PARP6: variants seen among roughly 807,000 people sequenced by gnomAD.
The protein encoded by PARP6 is protein mono-ADP-ribosyltransferase PARP6.
In PARP6, 27 loss-of-function variants were observed where a neutral mutation model predicts 92.0. That is an observed-to-expected ratio of 0.29 (90% CI 0.22 to 0.40). The LOEUF is 0.40. Ranked by LOEUF, PARP6 falls within the 10% of genes least tolerant of loss-of-function variation. The pLI is 1.00. For missense variants in PARP6, 501 were observed against 784.5 expected (o/e 0.64, Z 4.32); for synonymous variants, 272 against 281.2 (o/e 0.97, Z 0.33).
chr15:72,250,516 T>C, intron 18 of PARP6: 1 of 334,786 alleles, frequency 3.0e-6, no homozygotes, highest in Non-Finnish European at 5.5e-6. Flanking sequence ...TACCTCTCTT[T>C]CTCTTTCCCT....
Position 72,271,173 on chromosome 15 carries a change from G to A in PARP6, c.-345C>T, listed in dbSNP as rs2087379587. On this transcript the variant is annotated 5_prime_UTR_variant, in exon 2 of 24. Transcript: ENST00000569795. ...AGCCTGGGTTGCCCTGGGGTGAGGGGTAGGATGACGGCAGCGTTAGGCCAG... is the reference window on the plus strand; with the variant it reads ...AGCCTGGGTTGCCCTGGGGTGAGGGATAGGATGACGGCAGCGTTAGGCCAG... 1 of 152,182 alleles carries A rather than the reference G, an allele frequency of 6.6e-6. No individual in the cohort carries two copies. Among genetic ancestry groups the A allele is most frequent in the African/African-American group, 2.4e-5 (1 of 41,448 alleles). The allele number at this position is 152,182 out of a possible 1,614,324, so 9.4% of individuals were successfully genotyped here.
At chr15:72,256,898 G>C (rs1396213985) in intron 13 of PARP6, among the ~76,000 whole-genome samples, 1 of 151,916 alleles carries the variant, frequency 6.6e-6, no homozygotes, top group Admixed American at 6.6e-5. Flanking sequence ...TTTTTAAAGA[G>C]ACAGGGGCTC....
Position 72,250,780 on chromosome 15 carries a change from G to C in PARP6, c.1418+65C>G, listed in dbSNP as rs1426164780. ...CATGTAACACAAACTCATATCTCAA[G>C]GGCATCCTTCTTGCTCATCCCCGCC... On this transcript the variant is annotated intron_variant, in intron 18 of 23. Transcript: ENST00000569795. The C allele has an allele frequency of 8.5e-6, 7 of 820,426 alleles. No homozygotes were observed. The East Asian group carries it at 1.9e-4, about 22-fold the overall frequency. The allele number at this position is 820,426 out of a possible 1,614,324, so 50.8% of individuals were successfully genotyped here. A position where few individuals can be genotyped will look rare whatever the true frequency, so the allele number is the denominator to read the frequency against.
chr15:72,272,506 G>C lies in PARP6; in HGVS notation c.-573C>G, dbSNP rs1226931420. Reference sequence around the variant, plus strand: ...GGCCAGCCTGGCGAGTACTCACGGCGACCCCGGGCCGCGCGCGGCCGCAGC... The same window carrying C: ...GGCCAGCCTGGCGAGTACTCACGGCCACCCCGGGCCGCGCGCGGCCGCAGC... On this transcript the variant is annotated 5_prime_UTR_variant, in exon 1 of 24. Coordinates refer to ENST00000569795, the MANE Select transcript of PARP6 (RefSeq NM_001323532.2). The C allele has an allele frequency of 6.6e-6, 1 of 150,996 alleles. No homozygotes were observed. Among genetic ancestry groups the C allele is most frequent in the Non-Finnish European group, 1.5e-5 (1 of 67,626 alleles). 9.4% of individuals were successfully genotyped at this position (150,996 alleles called of 1,614,324 possible). A position where few individuals can be genotyped will look rare whatever the true frequency, so the allele number is the denominator to read the frequency against.
intron 16 of PARP6, among the ~76,000 whole-genome samples, chr15:72,252,403 G>A (rs1044705459): frequency 3.3e-5 from 5 of 152,218 alleles, no homozygotes; most frequent in South Asian, 2.1e-4. Context: ...ATACATACGC[G>A]AGATAATGCA....
intron 10 of PARP6, 137 bp from the exon 11 acceptor site, chr15:72,259,798 C>T (rs1410374592): frequency 1.4e-6 from 1 of 732,018 alleles, no homozygotes; most frequent in Non-Finnish European, 2.3e-6. Context: ...AGAAAGGAGA[C>T]TTTTAGACAT....
intron 1 of PARP6, among the ~76,000 whole-genome samples, 194 bp from the exon 2 acceptor site, chr15:72,271,481 G>C (rs1012216692): frequency 6.6e-6 from 1 of 152,136 alleles, no homozygotes; most frequent in African/African-American, 2.4e-5. Context: ...GAAGGTGGTG[G>C]GTTATGGAAT....
At chr15:72,264,744 C>T (rs1026719462) in intron 7 of PARP6, 123 bp from the exon 8 acceptor site, 22 of 718,096 alleles carry the variant, frequency 3.1e-5, no homozygotes, top group Middle Eastern at 2.5e-4. Context: ...TAAACAGTAA[C>T]GGTGGAAGAA....
Position 72,242,484 on chromosome 15 carries a change from T to G in PARP6, c.1641+136A>C. 1 of 706,988 alleles carries G rather than the reference T, an allele frequency of 1.4e-6. No individual in the cohort carries two copies. The highest frequency in any genetic ancestry group is 2.5e-6 in the Non-Finnish European group (1 of 395,244). The allele number at this position is 706,988 out of a possible 1,614,324, so 43.8% of individuals were successfully genotyped here. A position where few individuals can be genotyped will look rare whatever the true frequency, so the allele number is the denominator to read the frequency against. On this transcript the variant is annotated intron_variant, in intron 21 of 23. Transcript: ENST00000569795. The surrounding 1 kb of genome is among the most constrained non-coding windows in gnomAD (Gnocchi z 4.3). ...ATATGACTCCAGACGTGTGTTCACT[T>G]TAGAACATACCTGACTCCTTTAAAT...
chr15:72,257,492 G>A (rs1263359180), intron 12 of PARP6, 52 bp from the exon 13 acceptor site: 1 of 1,443,312 alleles, frequency 6.9e-7, no homozygotes, highest in Admixed American at 1.7e-5. Context: ...GCAATAAGGT[G>A]TAGGCAGAGA....
At position 72,256,590 on chromosome 15, in the gene PARP6, C is replaced by T; in HGVS notation, c.1000G>A (p.Val334Met). Residue 334 changes from valine (V) to methionine (M), a missense_variant and splice_region_variant, in exon 14 of 24, where the codon GTG (valine) becomes ATG (methionine). This residue lies in a region of PARP6 where 191 missense variants were observed against 399.1 expected (regional missense o/e 0.48). Coordinates refer to ENST00000569795, the MANE Select transcript of PARP6 (RefSeq NM_001323532.2). ...CACATGGCCACCAGCAGATCCACCACCTTAGGGGAAAGGAAAAAAAACAGG... is the reference window on the plus strand; with the variant it reads ...CACATGGCCACCAGCAGATCCACCATCTTAGGGGAAAGGAAAAAAAACAGG... Reference protein sequence around the residue: ...AAEEVATGAEVVDLLVAMCRA... With the variant: ...AAEEVATGAEMVDLLVAMCRA... 2 of 1,537,248 alleles carry T rather than the reference C, an allele frequency of 1.3e-6. No individual in the cohort carries two copies. Among genetic ancestry groups the T allele is most frequent in the South Asian group, 1.3e-5 (1 of 79,358 alleles).
chr15:72,255,315 C>T (rs147505592), intron 14 of PARP6, among the ~76,000 whole-genome samples: 1,588 of 152,176 alleles, frequency 0.01, 25 homozygotes, highest in African/African-American at 0.036. Flanking sequence ...TGCAGTGGTG[C>T]GATCCTGGCT....
chr15:72,252,629 G>A (rs967831278), intron 16 of PARP6, among the ~76,000 whole-genome samples: 1 of 152,036 alleles, frequency 6.6e-6, no homozygotes. Context: ...GGGACTACAG[G>A]CATGGGCCAC....
chr15:72,256,726 C>T (rs1052001629), intron 13 of PARP6, 136 bp from the exon 14 acceptor site: 3 of 694,598 alleles, frequency 4.3e-6, no homozygotes, highest in Non-Finnish European at 4.1e-6. Context: ...AAAATACAAG[C>T]TCATAAAAAT....
chr15:72,261,500 G>A, intron 9 of PARP6, 58 bp downstream of exon 9: 1 of 1,444,586 alleles, frequency 6.9e-7, no homozygotes, highest in Non-Finnish European at 9.7e-7. Context: ...AATCAAGAAG[G>A]TGGGGGTGGG....
chr15:72,244,416 G>A (rs150343544), intron 20 of PARP6: 1 of 152,288 alleles, frequency 6.6e-6, no homozygotes, highest in Non-Finnish European at 1.5e-5. Context: ...TAGATGTTCT[G>A]TGTCCAGAGT....
At chr15:72,266,697 A>C in intron 4 of PARP6, 48 bp downstream of exon 4, 11 of 1,354,322 alleles carry the variant, frequency 8.1e-6, no homozygotes, top group Non-Finnish European at 1.2e-5. Context: ...AAAAAGCAGC[A>C]CATATCTAGA....
rs531436354 is a variant in PARP6, at chr15:72,253,053, C to T, written c.1259+384G>A. 4.0e-5 allele frequency among the ~76,000 whole-genome samples: 6 copies of T among 151,718 alleles called. No individual in the cohort carries two copies. In the East Asian group the frequency reaches 1.2e-3, roughly 30 times the overall value. ...AATTAGCTGGGTGTGGTGGCACATG[C>T]CTGTGGTCCCAGCTACTGGGGAGGC... On this transcript the variant is annotated intron_variant, in intron 16 of 23. Transcript: ENST00000569795.
intron 11 of PARP6, among the ~76,000 whole-genome samples, chr15:72,259,187 T>C (rs1476230933): frequency 6.6e-6 from 1 of 152,148 alleles, no homozygotes; most frequent in African/African-American, 2.4e-5. Flanking sequence ...TTAACAGAGA[T>C]GCAAAAGTGA....
Sources: gnomAD v4.1 joint callset for allele counts (sites outside exome capture counted in the v4.1 genomes callset) on GRCh38, gnomAD v4.1.1 for gene constraint, gnomAD v4.1.1 regional missense constraint, Gnocchi (gnomAD v3.1) non-coding constraint, MANE v1.5 for transcripts, NCBI Gene and HGNC (gene_info 2026-07-23, HGNC 2026-07-21) for gene names.